Variants in TBC1D22A observed in about 807,000 individuals in gnomAD.
TBC1D22A encodes TBC1 domain family member 22A.
In TBC1D22A, 38 loss-of-function variants were observed where a neutral mutation model predicts 60.2. The observed-to-expected ratio is 0.63, with a 90% confidence interval of 0.49 to 0.83. The LOEUF is 0.83. Among genes scored for constraint, TBC1D22A ranks in the 40% least tolerant of loss-of-function variants. The pLI, the probability that TBC1D22A is intolerant of heterozygous loss-of-function variation, is 0.00. For missense variants in TBC1D22A, 628 were observed against 701.0 expected, an observed-to-expected ratio of 0.90 and a Z score of 1.18; for synonymous variants, 302 against 281.7, an observed-to-expected ratio of 1.07 and a Z score of -0.72.
intron 12 of TBC1D22A, among the ~76,000 whole-genome samples, chr22:47,140,810 G>A (rs987311802): frequency 2.6e-5 from 4 of 152,254 alleles, no homozygotes; most frequent in African/African-American, 4.8e-5. Context: ...ATGCTGGGGC[G>A]GCTTATCACA....
intron 12 of TBC1D22A, among the ~76,000 whole-genome samples, chr22:47,172,684 A>C (rs894732228): frequency 6.6e-6 from 1 of 152,250 alleles, no homozygotes; most frequent in Non-Finnish European, 1.5e-5. Context: ...AAATAAGCAC[A>C]TTAGAAAGCA....
chr22:46,818,168 A>T (rs2080584), intron 4 of TBC1D22A, among the ~76,000 whole-genome samples: 41,440 of 152,084 alleles, frequency 0.27, 5,750 homozygotes, highest in South Asian at 0.42. Flanking sequence ...AGATGGATAG[A>T]TTGCAAAAAT....
chr22:46,910,697 G>A (rs1480767711), intron 7 of TBC1D22A, among the ~76,000 whole-genome samples: 3 of 152,094 alleles, frequency 2.0e-5, no homozygotes, highest in African/African-American at 4.8e-5. Context: ...AAAAGAGAGT[G>A]GGGAGGGAAC....
At chr22:47,134,699 A>C (rs1300690808) in intron 12 of TBC1D22A, among the ~76,000 whole-genome samples, 1 of 140,632 alleles carries the variant, frequency 7.1e-6, no homozygotes, top group Non-Finnish European at 1.6e-5. Context: ...GGGGTCAGCC[A>C]GCTTCACTAC....
intron 11 of TBC1D22A, among the ~76,000 whole-genome samples, chr22:47,080,625 AT>A (rs34544137): frequency 0.45 from 67,248 of 148,842 alleles, 15,309 homozygotes; most frequent in East Asian, 0.59. Context: ...ACCTGTAAAA[AT>A]ATATATATAT....
chr22:47,000,208 A>G (rs2075265729), intron 10 of TBC1D22A, among the ~76,000 whole-genome samples: 1 of 152,124 alleles, frequency 6.6e-6, no homozygotes, highest in Admixed American at 6.5e-5. Flanking sequence ...TTGCTCTGCA[A>G]AGTCAAGCGG....
chr22:46,996,791 A>C (rs1281226859), intron 9 of TBC1D22A, among the ~76,000 whole-genome samples: 2 of 152,088 alleles, frequency 1.3e-5, no homozygotes, highest in Non-Finnish European at 2.9e-5. Context: ...CCCTAGTGTC[A>C]TGTGTGTGCT....
At chr22:46,939,727 A>G (rs768040403) in intron 8 of TBC1D22A, among the ~76,000 whole-genome samples, 2 of 152,260 alleles carry the variant, frequency 1.3e-5, no homozygotes, top group Non-Finnish European at 2.9e-5. Context: ...TGTTTTGACA[A>G]TGAAAATATG....
At chr22:47,162,262 C>T (rs1475397166) in intron 12 of TBC1D22A, among the ~76,000 whole-genome samples, 1 of 150,436 alleles carries the variant, frequency 6.6e-6, no homozygotes, top group Admixed American at 6.6e-5. Flanking sequence ...TCCTCCTGGA[C>T]TGGGAGTCAT....
At chr22:47,092,325 G>T (rs118074808) in intron 11 of TBC1D22A, among the ~76,000 whole-genome samples, 2 of 152,254 alleles carry the variant, frequency 1.3e-5, no homozygotes, top group East Asian at 3.9e-4. Context: ...GAGGGAGCCC[G>T]CAGCAGCCCA....
At chr22:46,883,504 A>G (rs1418805557) in intron 5 of TBC1D22A, among the ~76,000 whole-genome samples, 1 of 152,226 alleles carries the variant, frequency 6.6e-6, no homozygotes. Flanking sequence ...GAGCACGTGT[A>G]GGGTTTTTAT....
At position 46,824,165 on chromosome 22, in the gene TBC1D22A, G is replaced by A. The variant is rs116539826; in HGVS notation, c.637+26545G>A. Among the ~76,000 whole-genome samples, 600 of 152,296 alleles carry A rather than the reference G, an allele frequency of 3.9e-3. 4 individuals are homozygous for A. Among genetic ancestry groups the A allele is most frequent in the African/African-American group, 0.014 (563 of 41,564 alleles). ...CACTCAGTTTTCTGTACTAAGCCTA[G>A]AGTGTGTTTCCTACTTAGAGCGTCT... On this transcript the variant is annotated intron_variant, in intron 4 of 12. Transcript: ENST00000337137.
intron 8 of TBC1D22A, among the ~76,000 whole-genome samples, chr22:46,962,158 G>C (rs1231004246): frequency 6.6e-6 from 1 of 152,174 alleles, no homozygotes; most frequent in Non-Finnish European, 1.5e-5. Flanking sequence ...TTCTGCCCAG[G>C]ATCGGTGCTC....
intron 7 of TBC1D22A, among the ~76,000 whole-genome samples, chr22:46,906,514 GTAGCAGAGAC>G (rs1372638149): frequency 6.6e-6 from 1 of 152,228 alleles, no homozygotes; most frequent in Non-Finnish European, 1.5e-5. Context: ...CCTCCTCTTA[GTAGCAGAGAC>G]TCTGCGCTGA....
intron 10 of TBC1D22A, among the ~76,000 whole-genome samples, chr22:46,999,232 ATTGT>A (rs1165735884): frequency 9.9e-5 from 15 of 152,206 alleles, no homozygotes; most frequent in Admixed American, 4.6e-4. Flanking sequence ...TCGCTGGATG[ATTGT>A]TTAAGAGAGC....
At chr22:47,154,891 C>A (rs193265912) in intron 12 of TBC1D22A, among the ~76,000 whole-genome samples, 29 of 152,350 alleles carry the variant, frequency 1.9e-4, no homozygotes, top group Middle Eastern at 3.4e-3. Context: ...TGGGAAGAGC[C>A]TTGTAGATAA....
chr22:47,042,353 G>C (rs2062873416), intron 11 of TBC1D22A, among the ~76,000 whole-genome samples: 1 of 152,222 alleles, frequency 6.6e-6, no homozygotes, highest in African/African-American at 2.4e-5. Context: ...GTGGCAGTGG[G>C]GGCGCCATGG....
intron 4 of TBC1D22A, among the ~76,000 whole-genome samples, chr22:46,824,990 G>A (rs2085987875): frequency 1.3e-5 from 2 of 152,058 alleles, no homozygotes; most frequent in Admixed American, 1.3e-4. Context: ...GACGTGGGGT[G>A]TGGATGCTGG....
At chr22:47,156,101 A>G (rs1484060037) in intron 12 of TBC1D22A, among the ~76,000 whole-genome samples, 4 of 152,086 alleles carry the variant, frequency 2.6e-5, no homozygotes. Context: ...CAGATGGCTG[A>G]AGGCAGGGCT....
Sources: allele counts gnomAD v4.1 joint callset (sites outside exome capture counted in the v4.1 genomes callset), GRCh38; gene constraint gnomAD v4.1.1; transcripts MANE v1.5; gene names NCBI Gene and HGNC (gene_info 2026-07-23, HGNC 2026-07-21).